CA10: variants seen among roughly 807,000 people sequenced by gnomAD.
CA10 encodes the protein carbonic anhydrase 10 (inactive), also known as carbonic anhydrase-related protein 10.
In CA10, 14 loss-of-function variants were observed where a neutral mutation model predicts 44.2. That is an observed-to-expected ratio of 0.32 (90% CI 0.21 to 0.50). CA10 has a LOEUF of 0.50. Among genes scored for constraint, CA10 ranks in the 20% least tolerant of loss-of-function variants. The pLI is 0.99. For missense variants in CA10, 350 were observed against 409.7 expected (o/e 0.85, Z 1.26); for synonymous variants, 159 against 141.6 (o/e 1.12, Z -0.87).
intron 3 of CA10, among the ~76,000 whole-genome samples, chr17:51,759,534 G>A (rs569738809): frequency 6.6e-6 from 1 of 150,398 alleles, no homozygotes; most frequent in African/African-American, 2.4e-5. Context: ...ATGATTGGAT[G>A]TCTATTTACC....
chr17:52,139,385 C>T (rs1020562382), intron 1 of CA10, among the ~76,000 whole-genome samples: 5 of 151,852 alleles, frequency 3.3e-5, no homozygotes, highest in Admixed American at 6.6e-5. Context: ...CTGCCTCATT[C>T]GCCTCTGCAT....
intron 3 of CA10, among the ~76,000 whole-genome samples, chr17:51,910,999 A>G (rs1455814458): frequency 2.0e-5 from 3 of 152,190 alleles, no homozygotes; most frequent in Admixed American, 6.5e-5. Flanking sequence ...AGTGAAAAGA[A>G]TGTGGGTGGA....
At chr17:51,747,582 C>A in intron 4 of CA10, 51 bp downstream of exon 4, 1 of 1,460,724 alleles carries the variant, frequency 6.8e-7, no homozygotes, top group Non-Finnish European at 9.3e-7. Context: ...AAACAGGCAC[C>A]CAATCTTATA....
At chr17:52,045,616 T>C (rs1253496550) in intron 2 of CA10, among the ~76,000 whole-genome samples, 1 of 151,772 alleles carries the variant, frequency 6.6e-6, no homozygotes, top group Non-Finnish European at 1.5e-5. Context: ...TAAAGAAAAA[T>C]TGCTAGAACT....
At chr17:51,841,875 T>A (rs187761603) in intron 3 of CA10, among the ~76,000 whole-genome samples, 87 of 152,316 alleles carry the variant, frequency 5.7e-4, no homozygotes, top group Non-Finnish European at 1.0e-3. Context: ...AAGTTTTGCT[T>A]CATCAGCAGT....
chr17:51,980,319 T>C (rs1311629885), intron 2 of CA10, among the ~76,000 whole-genome samples: 1 of 152,184 alleles, frequency 6.6e-6, no homozygotes, highest in Admixed American at 6.6e-5. Flanking sequence ...GTTGGCTGTA[T>C]GTGTGTCTTC....
intron 3 of CA10, among the ~76,000 whole-genome samples, chr17:51,833,904 G>A (rs530660711): frequency 6.6e-6 from 1 of 152,178 alleles, no homozygotes; most frequent in African/African-American, 2.4e-5. Context: ...TGAAAATATG[G>A]TTTATAATTT....
intron 2 of CA10, among the ~76,000 whole-genome samples, chr17:52,063,951 A>C (rs574414961): frequency 6.6e-6 from 1 of 152,364 alleles, no homozygotes; most frequent in African/African-American, 2.4e-5. Context: ...ATTTCTGGCA[A>C]AGATGAACAG....
At chr17:52,123,894 A>C (rs1454521775) in intron 1 of CA10, among the ~76,000 whole-genome samples, 3 of 152,222 alleles carry the variant, frequency 2.0e-5, no homozygotes, top group African/African-American at 7.2e-5. Flanking sequence ...ATGGGCATCC[A>C]ATAGGAGCAG....
At chr17:51,678,512 C>G (rs1308214940) in intron 4 of CA10, among the ~76,000 whole-genome samples, 7 of 152,200 alleles carry the variant, frequency 4.6e-5, no homozygotes, top group African/African-American at 7.2e-5. Flanking sequence ...AACTGAAAAT[C>G]CCTCAGTCCA....
intron 4 of CA10, among the ~76,000 whole-genome samples, chr17:51,717,196 T>G (rs1403939245): frequency 6.6e-6 from 1 of 151,882 alleles, no homozygotes; most frequent in African/African-American, 2.4e-5. Flanking sequence ...TAGACAGAGG[T>G]GCTAGAATTT....
At chr17:51,827,345 CACACACACAT>C (rs112233089) in intron 3 of CA10, among the ~76,000 whole-genome samples, 21 of 151,600 alleles carry the variant, frequency 1.4e-4, no homozygotes, top group African/African-American at 3.6e-4. Flanking sequence ...CACACACACA[CACACACACAT>C]ACACACACAC....
intron 2 of CA10, among the ~76,000 whole-genome samples, chr17:51,990,734 C>A (rs1598155324): frequency 6.6e-6 from 1 of 152,112 alleles, no homozygotes; most frequent in Non-Finnish European, 1.5e-5. Context: ...TTTCAACTCT[C>A]TATTTCTCAT....
At chr17:51,726,026 G>A (rs936031430) in intron 4 of CA10, among the ~76,000 whole-genome samples, 1 of 152,182 alleles carries the variant, frequency 6.6e-6, no homozygotes, top group Admixed American at 6.5e-5. Context: ...GGTTGGAGAA[G>A]TCTTCATAGC....
At chr17:52,032,205 T>A (rs933696713) in intron 2 of CA10, among the ~76,000 whole-genome samples, 1 of 152,208 alleles carries the variant, frequency 6.6e-6, no homozygotes, top group Non-Finnish European at 1.5e-5. Context: ...AAACCTAATA[T>A]AGTGGGATGA....
chr17:51,810,908 C>A (rs1907335033), intron 3 of CA10, among the ~76,000 whole-genome samples: 2 of 152,190 alleles, frequency 1.3e-5, no homozygotes, highest in Admixed American at 1.3e-4. Flanking sequence ...AACAAGATCA[C>A]CCTATAATAA....
chr17:51,935,293 A>C (rs951168616), intron 2 of CA10, among the ~76,000 whole-genome samples: 1 of 152,110 alleles, frequency 6.6e-6, no homozygotes, highest in South Asian at 2.1e-4. Flanking sequence ...CAGATGTTTA[A>C]ACTTTTATTT....
chr17:52,105,796 C>T (rs1988649442), intron 1 of CA10, among the ~76,000 whole-genome samples: 1 of 152,160 alleles, frequency 6.6e-6, no homozygotes, highest in South Asian at 2.1e-4. Context: ...GTATATGAGA[C>T]ATAGTGACTC....
chr17:51,805,843 G>T (rs1375971560), intron 3 of CA10, among the ~76,000 whole-genome samples: 1 of 152,148 alleles, frequency 6.6e-6, no homozygotes, highest in African/African-American at 2.4e-5. Flanking sequence ...ATTCCCCAGG[G>T]AGTTTTTGGT....
Sources: gnomAD v4.1 joint callset for allele counts (sites outside exome capture counted in the v4.1 genomes callset) on GRCh38, gnomAD v4.1.1 for gene constraint, MANE v1.5 for transcripts, NCBI Gene and HGNC (gene_info 2026-07-23, HGNC 2026-07-21) for gene names.